The following DNAH3 variants were observed in gnomAD, a reference collection of about 807,000 sequenced individuals.
DNAH3 encodes axonemal beta dynein heavy chain 3.
DNAH3 carries 332 observed loss-of-function variants against 432.5 expected under a neutral mutation model. The ratio of observed to expected loss-of-function variants is 0.77; its 90% CI spans 0.70 to 0.84. DNAH3 has a LOEUF of 0.84. Ranked by LOEUF, DNAH3 falls within the 40% of genes least tolerant of loss-of-function variation. The pLI is 0.00. For synonymous variants in DNAH3, 1,956 were observed against 1,900.2 expected (o/e 1.03, Z -0.76); for missense variants, 4,861 against 5,114.0 (o/e 0.95, Z 1.51).
intron 9 of DNAH3, among the ~76,000 whole-genome samples, chr16:21,124,082 G>T (rs1281176005): frequency 6.6e-6 from 1 of 152,120 alleles, no homozygotes; most frequent in East Asian, 1.9e-4. Context: ...GTGAGCCACC[G>T]TGCCTGGCCA....
chr16:21,085,952 G>A (rs890488934), intron 19 of DNAH3, among the ~76,000 whole-genome samples: 2 of 151,928 alleles, frequency 1.3e-5, no homozygotes, highest in African/African-American at 4.8e-5. Context: ...AATTAATTAG[G>A]GAGAGATGGG....
chr16:20,948,496 T>C lies in DNAH3; in HGVS notation c.11330A>G (p.His3777Arg), dbSNP rs567859503. 26 of 1,613,540 alleles carry C rather than the reference T, an allele frequency of 1.6e-5. No homozygotes were observed. Among genetic ancestry groups the C allele is most frequent in the Non-Finnish European group, 2.0e-5 (24 of 1,179,852 alleles). The change falls in exon 57 of 62, where the codon CAT becomes CGT. Residue 3777 changes from histidine to arginine, a missense_variant. His to Arg is a conservative substitution (Grantham distance 29, BLOSUM62 0). Transcript: ENST00000261383. Reference sequence around the variant, plus strand: ...CCCACCCCTTACCTGGTAGGAGCCATGAGGAGGGATGTAGTAAGTGTCTCC... The same window carrying C: ...CCCACCCCTTACCTGGTAGGAGCCACGAGGAGGGATGTAGTAAGTGTCTCC...
chr16:21,096,277 G>C (rs1221308502), intron 18 of DNAH3, among the ~76,000 whole-genome samples: 1 of 151,822 alleles, frequency 6.6e-6, no homozygotes, highest in Non-Finnish European at 1.5e-5. Flanking sequence ...GAGACTACAC[G>C]TGCACCATCA....
At chr16:21,080,991 C>T (rs1167759805) in intron 20 of DNAH3, among the ~76,000 whole-genome samples, 1 of 152,082 alleles carries the variant, frequency 6.6e-6, no homozygotes, top group Non-Finnish European at 1.5e-5. Context: ...TATCTTGGCT[C>T]ACTGCAACCT....
chr16:21,067,848 G>A (rs1047780556), intron 23 of DNAH3, among the ~76,000 whole-genome samples: 3 of 149,612 alleles, frequency 2.0e-5, no homozygotes, highest in African/African-American at 7.4e-5. Context: ...TCAGAGAGAT[G>A]GAAGGAGTTC....
chr16:21,116,235 G>T (rs983462699), intron 12 of DNAH3, among the ~76,000 whole-genome samples: 1 of 151,864 alleles, frequency 6.6e-6, no homozygotes, highest in African/African-American at 2.4e-5. Flanking sequence ...CCCTAAACTA[G>T]TGTGATATGG....
chr16:21,033,872 A>T, intron 36 of DNAH3, 102 bp downstream of exon 36: 1 of 731,180 alleles, frequency 1.4e-6, no homozygotes, highest in South Asian at 1.7e-5. Flanking sequence ...TGACGTCACG[A>T]TCGAGGCCTG....
exon 62 of DNAH3, chr16:20,933,348 G>T (rs1279892057): frequency 6.2e-6 from 10 of 1,614,056 alleles, no homozygotes; most frequent in South Asian, 4.4e-5. Flanking sequence ...CTCTCCCCAG[G>T]TTTCAGCCAA....
intron 41 of DNAH3, among the ~76,000 whole-genome samples, chr16:21,014,034 C>A (rs1466781424): frequency 6.6e-6 from 1 of 152,132 alleles, no homozygotes; most frequent in African/African-American, 2.4e-5. Flanking sequence ...AAATTCTCTA[C>A]AATCTCTTAG....
rs377129769 is a variant in DNAH3, at chr16:21,133,059, G to T, written c.1082+1200C>A. 1.4e-4 allele frequency among the ~76,000 whole-genome samples: 21 copies of T among 151,934 alleles called. 1 individual carries two copies. In the South Asian group the frequency reaches 3.9e-3, roughly 29 times the overall value. On this transcript the variant is annotated intron_variant, in intron 7 of 61. Transcript: ENST00000261383. ...CTGTACTGGCACTGAGTTACATAAAGGAATAAGACCGTCCGGGCGTGGTGG... is the reference window on the plus strand; with the variant it reads ...CTGTACTGGCACTGAGTTACATAAATGAATAAGACCGTCCGGGCGTGGTGG...
intron 31 of DNAH3, 54 bp from the exon 32 acceptor site, chr16:21,042,257 C>T: frequency 6.6e-7 from 1 of 1,522,136 alleles, no homozygotes; most frequent in South Asian, 1.3e-5. Flanking sequence ...TGACAACCAC[C>T]CTACTCTACC....
chr16:21,045,075 C>T (rs1474026085), intron 31 of DNAH3, among the ~76,000 whole-genome samples: 1 of 152,104 alleles, frequency 6.6e-6, no homozygotes, highest in African/African-American at 2.4e-5. Flanking sequence ...ATTCGGTTTG[C>T]CAGTATTTTA....
intron 28 of DNAH3, among the ~76,000 whole-genome samples, chr16:21,052,079 C>A (rs1257327431): frequency 1.3e-5 from 2 of 152,094 alleles, no homozygotes; most frequent in African/African-American, 2.4e-5. Context: ...GCAACCTCTG[C>A]CTCCTGGGTT....
intron 11 of DNAH3, among the ~76,000 whole-genome samples, chr16:21,117,609 C>T (rs1304361549): frequency 6.6e-6 from 1 of 152,184 alleles, no homozygotes; most frequent in African/African-American, 2.4e-5. Flanking sequence ...CACCGCCCCA[C>T]AACGCTCCAG....
chr16:21,012,293 T>C lies in DNAH3; in HGVS notation c.6022+7331A>G, dbSNP rs369362571. ...TTGCTGACGGAAAGGATGCATCACA[T>C]TCCAGGCAAAATAAACAAAAGAGGA... On this transcript the variant is annotated intron_variant, in intron 41 of 61. Transcript: ENST00000261383. 3.3e-5 allele frequency among the ~76,000 whole-genome samples: 5 copies of C among 152,028 alleles called. No homozygotes were observed. In the East Asian group the frequency reaches 9.6e-4, roughly 29 times the overall value.
chr16:21,136,241 T>C, intron 6 of DNAH3, 83 bp downstream of exon 7: 1 of 1,350,852 alleles, frequency 7.4e-7, no homozygotes. Context: ...AAGCAAGACC[T>C]TGTCTCTACA....
intron 31 of DNAH3, among the ~76,000 whole-genome samples, chr16:21,042,808 C>T (rs2089507640): frequency 6.6e-6 from 1 of 152,192 alleles, no homozygotes; most frequent in African/African-American, 2.4e-5. Flanking sequence ...TCTCCCGATG[C>T]TATCCCTCCC....
chr16:20,987,264 G>T, intron 47 of DNAH3, 41 bp downstream of exon 47: 1 of 1,609,894 alleles, frequency 6.2e-7, no homozygotes, highest in Non-Finnish European at 8.5e-7. Flanking sequence ...TAAACACTTG[G>T]AACCATTTCT....
At chr16:20,986,987 C>T (rs2086229457) in intron 47 of DNAH3, among the ~76,000 whole-genome samples, 1 of 152,168 alleles carries the variant, frequency 6.6e-6, no homozygotes. Context: ...ATGTACAGTT[C>T]ATTTCTCAAC....
Sources: allele counts gnomAD v4.1 joint callset (sites outside exome capture counted in the v4.1 genomes callset), GRCh38; gene constraint gnomAD v4.1.1; transcripts MANE v1.5; gene names NCBI Gene and HGNC (gene_info 2026-07-23, HGNC 2026-07-21).